The following RNF13 variants were observed in gnomAD, a reference collection of about 807,000 sequenced individuals.
The protein encoded by RNF13 is ring finger protein 13.
RNF13 carries 19 observed loss-of-function variants against 37.7 expected under a neutral mutation model. That is an observed-to-expected ratio of 0.50 (90% CI 0.35 to 0.74). The LOEUF (loss-of-function observed/expected upper bound fraction) is 0.74. RNF13 is among the 30% of genes least tolerant of loss of function. The pLI, the probability that RNF13 is intolerant of heterozygous loss-of-function variation, is 0.01. For missense variants in RNF13, 375 were observed against 453.0 expected, an observed-to-expected ratio of 0.83 and a Z score of 1.56; for synonymous variants, 144 against 157.8, an observed-to-expected ratio of 0.91 and a Z score of 0.65.
At chr3:149,928,742 G>A (rs1353194396) in intron 8 of RNF13, among the ~76,000 whole-genome samples, 1 of 152,120 alleles carries the variant, frequency 6.6e-6, no homozygotes, top group East Asian at 1.9e-4. Context: ...TAGGGATTGT[G>A]CTAAATTTGT....
chr3:149,847,268 T>C (rs1451274809), intron 2 of RNF13, among the ~76,000 whole-genome samples: 2 of 152,180 alleles, frequency 1.3e-5, no homozygotes, highest in African/African-American at 4.8e-5. Flanking sequence ...TCTATTTCTC[T>C]TTTTCTGTGA....
chr3:149,954,399 C>A (rs186640552), intron 8 of RNF13, among the ~76,000 whole-genome samples: 110 of 152,118 alleles, frequency 7.2e-4, no homozygotes, highest in Non-Finnish European at 1.1e-3. Flanking sequence ...TGTATTACCA[C>A]CCTTACCCTT....
At chr3:149,882,538 T>C (rs7431794) in intron 4 of RNF13, among the ~76,000 whole-genome samples, 1 of 152,150 alleles carries the variant, frequency 6.6e-6, no homozygotes, top group Non-Finnish European at 1.5e-5. Context: ...TTTTTCAAGG[T>C]GAAAACAGGC....
intron 3 of RNF13, among the ~76,000 whole-genome samples, chr3:149,858,381 A>G (rs1272974567): frequency 2.0e-5 from 3 of 152,244 alleles, no homozygotes; most frequent in Non-Finnish European, 4.4e-5. Flanking sequence ...ATTGAGGGCC[A>G]GTCTCAGGAG....
chr3:149,916,900 T>C (rs1717573750), intron 7 of RNF13, among the ~76,000 whole-genome samples: 1 of 152,212 alleles, frequency 6.6e-6, no homozygotes. Flanking sequence ...CTTTCTAGTA[T>C]ATGCATTTAG....
chr3:149,863,526 TG>T (rs1240722074), intron 3 of RNF13, among the ~76,000 whole-genome samples: 3 of 152,054 alleles, frequency 2.0e-5, no homozygotes, highest in Non-Finnish European at 4.4e-5. Context: ...ATTACAGGCG[TG>T]TACCACCACG....
intron 7 of RNF13, among the ~76,000 whole-genome samples, chr3:149,919,288 G>A (rs938093157): frequency 1.3e-5 from 2 of 152,120 alleles, no homozygotes; most frequent in South Asian, 2.1e-4. Flanking sequence ...AGATATGTAT[G>A]TGTATACCTG....
intron 8 of RNF13, among the ~76,000 whole-genome samples, chr3:149,949,330 C>A (rs781244685): frequency 6.6e-6 from 1 of 151,792 alleles, no homozygotes; most frequent in Non-Finnish European, 1.5e-5. Flanking sequence ...TGATTGGCAC[C>A]GCTTTTCTTT....
chr3:149,856,561 A>C lies in RNF13; in HGVS notation c.195+3965A>C, dbSNP rs1576771900. On this transcript the variant is annotated intron_variant, in intron 3 of 9. Transcript: ENST00000392894. ...TGGGTTCAAGCCATCCTCCCACCTC[A>C]GGCTCCTGTGTAGCTAGTACTATGG... Among the ~76,000 whole-genome samples, 3 of 149,934 alleles carry C rather than the reference A, an allele frequency of 2.0e-5. No individual in the cohort carries two copies. The South Asian group carries it at 6.3e-4, about 32-fold the overall frequency.
At chr3:149,860,256 TAA>T (rs764889596) in intron 3 of RNF13, among the ~76,000 whole-genome samples, 90 of 57,806 alleles carry the variant, frequency 1.6e-3, no homozygotes, top group African/African-American at 1.2e-3. Context: ...AGACTCCATC[TAA>T]AAAAAAAAAA....
At chr3:149,822,690 T>A (rs1402772869) in intron 1 of RNF13, 1 of 152,090 alleles carries the variant, frequency 6.6e-6, no homozygotes, top group African/African-American at 2.4e-5. Context: ...TTACATATAT[T>A]TGGTCATTAT....
chr3:149,956,603 C>A (rs115592805), intron 8 of RNF13, among the ~76,000 whole-genome samples: 5 of 152,258 alleles, frequency 3.3e-5, no homozygotes, highest in African/African-American at 4.8e-5. Context: ...TTTTAACATT[C>A]CCAGATTGAT....
At chr3:149,841,361 A>G (rs1032977707) in intron 1 of RNF13, among the ~76,000 whole-genome samples, 4 of 152,244 alleles carry the variant, frequency 2.6e-5, no homozygotes, top group African/African-American at 9.6e-5. Context: ...GAACATGTTA[A>G]TAAGTGTGGA....
At chr3:149,841,547 A>C (rs1722179460) in intron 1 of RNF13, among the ~76,000 whole-genome samples, 1 of 152,232 alleles carries the variant, frequency 6.6e-6, no homozygotes, top group East Asian at 1.9e-4. Context: ...GGAAACAGTG[A>C]GCTGATTGAT....
chr3:149,868,626 T>G lies in RNF13; in HGVS notation c.196-3403T>G, dbSNP rs1026687794. On this transcript the variant is annotated intron_variant, in intron 3 of 9. Transcript: ENST00000392894. ...TCTCCTTCCCTCTCCTTTCCCTTTC[T>G]GTTCTTTCCTTTCTTTCTCTCTCTC... Among the ~76,000 whole-genome samples, 67 of 151,208 alleles carry G rather than the reference T, an allele frequency of 4.4e-4. 1 individual carries two copies. Among genetic ancestry groups the G allele is most frequent in the African/African-American group, 1.3e-3 (54 of 41,276 alleles).
chr3:149,837,520 GA>G (rs1721745491), intron 1 of RNF13, among the ~76,000 whole-genome samples: 1 of 152,182 alleles, frequency 6.6e-6, no homozygotes, highest in Non-Finnish European at 1.5e-5. Context: ...CATCACTGGA[GA>G]GGCCTCACAA....
chr3:149,819,188 A>C (rs1041543780), intron 1 of RNF13, among the ~76,000 whole-genome samples: 1 of 152,208 alleles, frequency 6.6e-6, no homozygotes, highest in Non-Finnish European at 1.5e-5. Context: ...CACTTCACTA[A>C]CGTAGATAAT....
chr3:149,896,398 A>C (rs1715268526), intron 5 of RNF13, among the ~76,000 whole-genome samples: 1 of 152,186 alleles, frequency 6.6e-6, no homozygotes, highest in African/African-American at 2.4e-5. Flanking sequence ...CCTGAAAAGG[A>C]AATATTTTAT....
intron 3 of RNF13, among the ~76,000 whole-genome samples, chr3:149,866,823 C>T (rs1711497937): frequency 6.6e-6 from 1 of 152,060 alleles, no homozygotes; most frequent in African/African-American, 2.4e-5. Context: ...ATTTTGTTTA[C>T]TTGCCATGTA....
Sources: allele counts gnomAD v4.1 joint callset (sites outside exome capture counted in the v4.1 genomes callset), GRCh38; gene constraint gnomAD v4.1.1; transcripts MANE v1.5; gene names NCBI Gene and HGNC (gene_info 2026-07-23, HGNC 2026-07-21).